Variants in PRKCSH observed in about 807,000 individuals in gnomAD.
The protein encoded by PRKCSH is glucosidase 2 subunit beta.
In PRKCSH, 42 loss-of-function variants were observed where a neutral mutation model predicts 79.7. The ratio of observed to expected loss-of-function variants is 0.53; its 90% CI spans 0.41 to 0.68. PRKCSH has a LOEUF of 0.68. Ranked by LOEUF, PRKCSH falls within the 30% of genes least tolerant of loss-of-function variation. PRKCSH has a pLI of 0.00. For missense variants in PRKCSH, 686 were observed against 709.0 expected, an observed-to-expected ratio of 0.97 and a Z score of 0.37; for synonymous variants, 325 against 288.2, an observed-to-expected ratio of 1.13 and a Z score of -1.29.
Position 11,445,409 on chromosome 19 carries a change from G to A in PRKCSH, c.619G>A (p.Ala207Thr). The A allele has an allele frequency of 6.2e-7, 1 of 1,613,944 alleles. No individual in the cohort carries two copies. The highest frequency in any genetic ancestry group is 8.5e-7 in the Non-Finnish European group (1 of 1,180,030). Residue 207 changes from alanine to threonine, a missense_variant, in exon 8 of 18, where the codon GCC becomes ACC. By Grantham distance (58) the Ala-to-Thr change is moderately conservative (BLOSUM62 0). Transcript: ENST00000677123. Reference sequence around the variant, plus strand: ...TACAGAGCAGCTGGCTGCTGCCAAGGCCCAACAGGAGCAGGAGCTGGCGGC... The same window carrying A: ...TACAGAGCAGCTGGCTGCTGCCAAGACCCAACAGGAGCAGGAGCTGGCGGC... ...LWEEQLAAAK[A>T]QQEQELAADA... is the part of the protein sequence containing the mutation.
At position 11,447,413 on chromosome 19, in the gene PRKCSH, C is replaced by A; in HGVS notation, c.850-26C>A. 6.2e-7 allele frequency: 1 copy of A among 1,611,204 alleles called. No individual in the cohort carries two copies. Among genetic ancestry groups the A allele is most frequent in the African/African-American group, 1.3e-5 (1 of 74,990 alleles). ...GTGTGGGTGGACCCTGAGTCCACAA[C>A]ACCGACCGCACTGCTCACCCGCCAG... On this transcript the variant is annotated intron_variant, in intron 10 of 17. Coordinates refer to ENST00000677123, the MANE Select transcript of PRKCSH (RefSeq NM_001289104.2). This position sits in a 1 kb window ranked among gnomAD's most constrained non-coding sequence, Gnocchi z 5.6.
rs373102151 is a variant in PRKCSH, at chr19:11,449,141, C to T, written c.1427C>T (p.Thr476Met). The change falls in exon 16 of 18, where the codon ACG (threonine) becomes ATG (methionine). Residue 476 changes from threonine to methionine, a missense_variant. Physicochemically the swap from Thr to Met is moderately conservative, Grantham distance 81 (BLOSUM62 -1). Transcript: ENST00000677123. The surrounding 1 kb of genome is among the most constrained non-coding windows in gnomAD (Gnocchi z 6.4). ...AGTGCCATGAAGTATGAGCAAGGCA[C>T]GGGCTGCTGGCAGGGCCCCAACCGC... ...KFSAMKYEQG[T>M]GCWQGPNRST... 6.8e-6 allele frequency: 11 copies of T among 1,613,720 alleles called. No individual in the cohort carries two copies. Among genetic ancestry groups the T allele is most frequent in the South Asian group, 4.4e-5 (4 of 91,094 alleles).
At chr19:11,445,332 G>A (rs368582003) in intron 7 of PRKCSH, 57 bp from the exon 8 acceptor site, 61 of 1,560,798 alleles carry the variant, frequency 3.9e-5, no homozygotes, top group African/African-American at 1.1e-4. Context: ...TGTGGGGTGC[G>A]GGGGCTGATG....
At chr19:11,441,105 G>A (rs986184750) in intron 5 of PRKCSH, 135 bp from the exon 6 acceptor site, 1 of 865,822 alleles carries the variant, frequency 1.2e-6, no homozygotes, top group Non-Finnish European at 2.0e-6. Context: ...AGAGAACCTG[G>A]GAGGAAGGCT....
Position 11,438,156 on chromosome 19 carries a change from C to T in PRKCSH, c.350+32C>T, listed in dbSNP as rs982726391. ...GGGTGACAGTACCCCTCCCATCACC[C>T]CACCCCAAGACTTTGCCTGGCTCCA... On this transcript the variant is annotated intron_variant, in intron 5 of 17. Coordinates refer to ENST00000677123, the MANE Select transcript of PRKCSH (RefSeq NM_001289104.2). 4 of 1,611,458 alleles carry T rather than the reference C, an allele frequency of 2.5e-6. No individual in the cohort carries two copies. The African/African-American group carries it at 5.3e-5, about 22-fold the overall frequency.
intron 7 of PRKCSH, among the ~76,000 whole-genome samples, chr19:11,444,908 G>A (rs751849431): frequency 2.0e-5 from 3 of 151,834 alleles, no homozygotes; most frequent in African/African-American, 4.8e-5. Flanking sequence ...CTCAGTGGTC[G>A]CTCTCCTCTC....
rs748617699 is a variant in PRKCSH, at chr19:11,448,494, A to G, written c.1197-46A>G. ...CTGTGTCTGTCGTCCTGGGTCAGGCACTGGCGTCCCCAGCTGCCCCTTAAC... is the reference window on the plus strand; with the variant it reads ...CTGTGTCTGTCGTCCTGGGTCAGGCGCTGGCGTCCCCAGCTGCCCCTTAAC... On this transcript the variant is annotated intron_variant, in intron 13 of 17. Coordinates refer to ENST00000677123, the MANE Select transcript of PRKCSH (RefSeq NM_001289104.2). This position sits in a 1 kb window ranked among gnomAD's most constrained non-coding sequence, Gnocchi z 4.4. 1.3e-6 allele frequency: 2 copies of G among 1,565,200 alleles called. No homozygotes were observed. Among genetic ancestry groups the G allele is most frequent in the East Asian group, 4.5e-5 (2 of 44,618 alleles).
intron 5 of PRKCSH, among the ~76,000 whole-genome samples, chr19:11,438,821 G>A (rs1468502395): frequency 1.3e-5 from 2 of 152,116 alleles, no homozygotes; most frequent in Non-Finnish European, 2.9e-5. Flanking sequence ...ATACGGAGGG[G>A]TGGGGATTGT....
In PRKCSH at chr19:11,436,393, T is replaced by C; in HGVS notation, c.84T>C (p.His28=). ...KRPRGVSLTN[H]HFYDESKPFT... is the part of the protein sequence containing the mutation. ...TGAGCTTCCTGTACCCCGCAGATCA[T>C]CACTTCTACGATGAGTCCAAGCCTT... The change falls in exon 3 of 18, where the codon CAT becomes CAC. Residue 28 remains histidine, a synonymous_variant. Transcript: ENST00000677123. 4.3e-6 allele frequency: 7 copies of C among 1,614,108 alleles called. No individual in the cohort carries two copies. The highest frequency in any genetic ancestry group is 5.9e-6 in the Non-Finnish European group (7 of 1,179,956).
At chr19:11,440,153 TC>T (rs1969991312) in intron 5 of PRKCSH, among the ~76,000 whole-genome samples, 1 of 151,796 alleles carries the variant, frequency 6.6e-6, no homozygotes, top group Non-Finnish European at 1.5e-5. Flanking sequence ...CCAACACACT[TC>T]TTTTTTTTTT....
At chr19:11,436,294 CGG>C in intron 2 of PRKCSH, 93 bp from the exon 3 acceptor site, 1 of 1,579,982 alleles carries the variant, frequency 6.3e-7, no homozygotes, top group East Asian at 2.2e-5. Context: ...CTCAGTTTCC[CGG>C]TAGTGCTCCG....
chr19:11,450,494 AAT>A (rs965104655), intron 17 of PRKCSH, 150 bp from the exon 18 acceptor site: 1 of 151,840 alleles, frequency 6.6e-6, no homozygotes, highest in Non-Finnish European at 1.5e-5. Flanking sequence ...AAATAATAAT[AAT>A]AAGAGAAAAT....
chr19:11,445,853 G>T, intron 8 of PRKCSH: 1 of 444,952 alleles, frequency 2.2e-6, no homozygotes. Context: ...ACTTTTGGGG[G>T]CTGAGAGGCA....
Position 11,437,865 on chromosome 19 carries a change from C to T in PRKCSH, c.197-11C>T, listed in dbSNP as rs1311063866. The T allele has an allele frequency of 2.5e-6, 4 of 1,613,774 alleles. No individual in the cohort carries two copies. In the Admixed American group the frequency reaches 5.0e-5, roughly 20 times the overall value. The stretch of plus-strand genomic sequence containing the variant: ...TGACTCCGAAAACCTTCCCTCCCTT[C>T]TTCCTCACAGGCACGGCTGCCTGTC... On this transcript the variant is annotated splice_polypyrimidine_tract_variant and intron_variant, in intron 3 of 17. Coordinates refer to ENST00000677123, the MANE Select transcript of PRKCSH (RefSeq NM_001289104.2).
In PRKCSH at chr19:11,436,634, A is replaced by C. The variant is rs73922655; in HGVS notation, c.196+129A>C. 1.1e-3 allele frequency: 914 copies of C among 833,070 alleles called. 8 individuals carry two copies. In the African/African-American group the frequency reaches 0.014, roughly 13 times the overall value. 51.6% of individuals were successfully genotyped at this position (833,070 alleles called of 1,614,324 possible). A position where few individuals can be genotyped will look rare whatever the true frequency, so the allele number is the denominator to read the frequency against. On this transcript the variant is annotated intron_variant, in intron 3 of 17. Transcript: ENST00000677123. Reference sequence around the variant, plus strand: ...GTGGGCAGAAACAAGCTCAGAAGTCAGTGGTCAGTGTTATGGCCCCGGGCA... The same window carrying C: ...GTGGGCAGAAACAAGCTCAGAAGTCCGTGGTCAGTGTTATGGCCCCGGGCA...
rs575430231 is a variant in PRKCSH at position 11,444,792 on chromosome 19, G to C, written c.599-597G>C. 1.1e-4 allele frequency among the ~76,000 whole-genome samples: 17 copies of C among 152,030 alleles called. No homozygotes were observed. The East Asian group carries it at 1.7e-3, about 16-fold the overall frequency. ...GGACCCCCAAGATGCCCCCAGGACC[G>C]GTCTCCCTCCCTGTATCCTCCCCAT... On this transcript the variant is annotated intron_variant, in intron 7 of 17. Transcript: ENST00000677123.
At position 11,449,777 on chromosome 19, in the gene PRKCSH, C is replaced by G; in HGVS notation, c.*16+349C>G. 3.1e-6 allele frequency: 1 copy of G among 323,616 alleles called. No homozygotes were observed. The highest frequency in any genetic ancestry group is 6.0e-6 in the Non-Finnish European group (1 of 167,004). The allele number at this position is 323,616 out of a possible 1,614,324, so 20.0% of individuals were successfully genotyped here. A position where few individuals can be genotyped will look rare whatever the true frequency, so the allele number is the denominator to read the frequency against. ...CTCGAACTCCTGACCTCAGATGATC[C>G]ACCTGCCTTGGCCTCCCAAAGTGCT... On this transcript the variant is annotated intron_variant, in intron 17 of 17. Coordinates refer to ENST00000677123, the MANE Select transcript of PRKCSH (RefSeq NM_001289104.2). The surrounding 1 kb of genome is among the most constrained non-coding windows in gnomAD (Gnocchi z 6.4).
intron 6 of PRKCSH, 34 bp downstream of exon 6, chr19:11,441,391 C>T (rs756884223): frequency 6.2e-7 from 1 of 1,603,358 alleles, no homozygotes; most frequent in Non-Finnish European, 8.5e-7. Context: ...CCAGGGTGAT[C>T]TGGGCCTTGA....
intron 3 of PRKCSH, among the ~76,000 whole-genome samples, chr19:11,436,915 T>A (rs2144802117): frequency 6.6e-6 from 1 of 152,310 alleles, no homozygotes; most frequent in South Asian, 2.1e-4. Context: ...TGGAGTACAG[T>A]GGCATGATCG....
Sources: gnomAD v4.1 joint callset for allele counts (sites outside exome capture counted in the v4.1 genomes callset) on GRCh38, gnomAD v4.1.1 for gene constraint, Gnocchi (gnomAD v3.1) non-coding constraint, MANE v1.5 for transcripts, NCBI Gene and HGNC (gene_info 2026-07-23, HGNC 2026-07-21) for gene names.